Variants in SLC31A1 observed in about 807,000 individuals in gnomAD.
SLC31A1 encodes high affinity copper uptake protein 1.
A neutral mutation model predicts 17.2 loss-of-function variants in SLC31A1; 5 were observed. That is an observed-to-expected ratio of 0.29 (90% confidence interval 0.15 to 0.61). SLC31A1 has a LOEUF of 0.61. Ranked by LOEUF, SLC31A1 falls within the 20% of genes least tolerant of loss-of-function variation. SLC31A1 has a pLI of 0.86. For synonymous variants in SLC31A1, 76 were observed against 78.8 expected, an observed-to-expected ratio of 0.96 and a Z score of 0.19; for missense variants, 161 against 241.4, an observed-to-expected ratio of 0.67 and a Z score of 2.21.
At chr9:113,235,946 A>G (rs1476381859) in intron 1 of SLC31A1, among the ~76,000 whole-genome samples, 1 of 152,214 alleles carries the variant, frequency 6.6e-6, no homozygotes, top group Non-Finnish European at 1.5e-5. Flanking sequence ...AAATGTTAGA[A>G]TGGCTAAAGT....
chr9:113,252,578 G>C (rs538561066), intron 1 of SLC31A1, among the ~76,000 whole-genome samples: 1 of 152,078 alleles, frequency 6.6e-6, no homozygotes, highest in African/African-American at 2.4e-5. Flanking sequence ...GTGAGCCACC[G>C]CACCCAGCCT....
chr9:113,224,714 C>T (rs1157879741), intron 1 of SLC31A1, among the ~76,000 whole-genome samples: 3 of 152,228 alleles, frequency 2.0e-5, no homozygotes, highest in Admixed American at 6.5e-5. Flanking sequence ...AGGCGTGGGC[C>T]AACGCACCCG....
At chr9:113,232,540 C>G (rs1831412124) in intron 1 of SLC31A1, among the ~76,000 whole-genome samples, 2 of 151,910 alleles carry the variant, frequency 1.3e-5, no homozygotes, top group African/African-American at 4.8e-5. Flanking sequence ...AAATCAAGAA[C>G]AGCAGAGATG....
At position 113,258,731 on chromosome 9, in the gene SLC31A1, A is replaced by G. The variant is rs778958325; in HGVS notation, c.240A>G (p.Ala80=). 3.0e-5 allele frequency: 49 copies of G among 1,614,078 alleles called. No individual in the cohort carries two copies. The highest frequency in any genetic ancestry group is 3.8e-5 in the Non-Finnish European group (45 of 1,180,042). ...AGAFVAVFLL[A]MFYEGLKIAR... ...CTTTTGTGGCAGTGTTTTTACTAGC[A>G]ATGTTCTATGAAGGACTCAAGATAG... is the stretch of plus-strand genomic sequence containing the variant. The change falls in exon 4 of 5, where the codon GCA becomes GCG. Residue 80 remains alanine (A), a synonymous_variant. Transcript: ENST00000374212. This position sits in a 1 kb window ranked among gnomAD's most constrained non-coding sequence, Gnocchi z 4.8.
At chr9:113,256,342 A>G in intron 2 of SLC31A1, 65 bp downstream of exon 2, 1 of 1,573,390 alleles carries the variant, frequency 6.4e-7, no homozygotes, top group Non-Finnish European at 8.7e-7. Flanking sequence ...AAATAATGGA[A>G]TTTTAGTACT....
chr9:113,222,238 G>T (rs376564477), intron 1 of SLC31A1, among the ~76,000 whole-genome samples: 53 of 152,190 alleles, frequency 3.5e-4, no homozygotes, highest in African/African-American at 1.2e-3. Flanking sequence ...TGTATTCTAC[G>T]CGGATGAGGT....
At chr9:113,230,114 T>C (rs1831385243) in intron 1 of SLC31A1, among the ~76,000 whole-genome samples, 1 of 152,222 alleles carries the variant, frequency 6.6e-6, no homozygotes, top group Non-Finnish European at 1.5e-5. Flanking sequence ...AATATCTGCC[T>C]CTGTCTGTGT....
At chr9:113,248,183 G>T (rs1348359626) in intron 1 of SLC31A1, among the ~76,000 whole-genome samples, 2 of 152,010 alleles carry the variant, frequency 1.3e-5, no homozygotes, top group African/African-American at 2.4e-5. Context: ...AATTAGCCAG[G>T]TGTGGTGGTG....
At chr9:113,229,690 T>C (rs537412394) in intron 1 of SLC31A1, among the ~76,000 whole-genome samples, 13 of 152,354 alleles carry the variant, frequency 8.5e-5, no homozygotes, top group African/African-American at 2.9e-4. Flanking sequence ...TGTTAAAGAA[T>C]GTGGGCAGAC....
At chr9:113,235,014 G>A (rs762155440) in intron 1 of SLC31A1, among the ~76,000 whole-genome samples, 1 of 152,088 alleles carries the variant, frequency 6.6e-6, no homozygotes, top group African/African-American at 2.4e-5. Flanking sequence ...AAAAACTTCT[G>A]TTCGTTCATC....
chr9:113,246,936 G>A (rs890841870), intron 1 of SLC31A1, among the ~76,000 whole-genome samples: 5 of 152,108 alleles, frequency 3.3e-5, no homozygotes, highest in South Asian at 2.1e-4. Flanking sequence ...CACCGCACCC[G>A]ACCAAGATAA....
chr9:113,238,300 G>A (rs1410539678), intron 1 of SLC31A1, among the ~76,000 whole-genome samples: 1 of 152,260 alleles, frequency 6.6e-6, no homozygotes, highest in East Asian at 1.9e-4. Context: ...ACACAAGACA[G>A]CTCAGACAAC....
At chr9:113,249,448 C>A (rs897605597) in intron 1 of SLC31A1, among the ~76,000 whole-genome samples, 1 of 151,856 alleles carries the variant, frequency 6.6e-6, no homozygotes, top group African/African-American at 2.4e-5. Flanking sequence ...CTCACTGCAA[C>A]CCCCACCTCC....
chr9:113,256,461 A>T (rs1831729574), intron 2 of SLC31A1, 184 bp downstream of exon 2: 1 of 585,670 alleles, frequency 1.7e-6, no homozygotes, highest in Non-Finnish European at 2.9e-6. Flanking sequence ...TTACAGAGTC[A>T]CACCAGAACC....
chr9:113,262,257 G>T lies in SLC31A1; in HGVS notation c.*1784G>T, dbSNP rs1464843428. Reference sequence around the variant, plus strand: ...CCATATAATCATCTTTGTTATTCGTGGGGGTTTAATTACATTACAAGTGGC... The same window carrying T: ...CCATATAATCATCTTTGTTATTCGTTGGGGTTTAATTACATTACAAGTGGC... On this transcript the variant is annotated 3_prime_UTR_variant, in exon 5 of 5. Transcript: ENST00000374212. 3 of 152,558 alleles carry T rather than the reference G, an allele frequency of 2.0e-5. No individual in the cohort carries two copies. The highest frequency in any genetic ancestry group is 7.2e-5 in the African/African-American group (3 of 41,414). The allele number at this position is 152,558 out of a possible 1,614,324, so 9.5% of individuals were successfully genotyped here. A position where few individuals can be genotyped will look rare whatever the true frequency, so the allele number is the denominator to read the frequency against.
chr9:113,226,964 G>T (rs1472562664), intron 1 of SLC31A1, among the ~76,000 whole-genome samples: 1 of 152,062 alleles, frequency 6.6e-6, no homozygotes, highest in African/African-American at 2.4e-5. Flanking sequence ...CAACCCCTAT[G>T]CATAATCTAT....
At chr9:113,255,514 G>A (rs370930937) in intron 1 of SLC31A1, among the ~76,000 whole-genome samples, 14 of 152,228 alleles carry the variant, frequency 9.2e-5, no homozygotes, top group South Asian at 2.1e-4. Context: ...TCAGGAGTTC[G>A]AGACCTGCCT....
chr9:113,241,255 A>T (rs1006149267), intron 1 of SLC31A1, among the ~76,000 whole-genome samples: 1 of 152,172 alleles, frequency 6.6e-6, no homozygotes, highest in African/African-American at 2.4e-5. Context: ...GCAGGCAGAA[A>T]TTAGTTTTTC....
chr9:113,222,947 G>A (rs1226360018), intron 1 of SLC31A1, among the ~76,000 whole-genome samples: 1 of 152,126 alleles, frequency 6.6e-6, no homozygotes, highest in South Asian at 2.1e-4. Flanking sequence ...CTAGCCCCTG[G>A]CTTACATTAT....
Sources: allele counts gnomAD v4.1 joint callset (sites outside exome capture counted in the v4.1 genomes callset), GRCh38; gene constraint gnomAD v4.1.1; non-coding constraint Gnocchi (gnomAD v3.1); transcripts MANE v1.5; gene names NCBI Gene and HGNC (gene_info 2026-07-23, HGNC 2026-07-21).